Variants in EAF2 observed in about 807,000 individuals in gnomAD.
The protein encoded by EAF2 is ELL associated factor 2, also known as ELL-associated factor 2.
EAF2 carries 29 observed loss-of-function variants against 29.4 expected under a neutral mutation model. That is an observed-to-expected ratio of 0.99 (90% confidence interval 0.73 to 1.35). EAF2 has a LOEUF of 1.35. Ranked by LOEUF, EAF2 falls within the 40% of genes most tolerant of loss-of-function variation. EAF2 has a pLI of 0.00. For missense variants in EAF2, 292 were observed against 312.0 expected, an observed-to-expected ratio of 0.94 and a Z score of 0.48; for synonymous variants, 103 against 102.5, an observed-to-expected ratio of 1.00 and a Z score of -0.03.
chr3:121,854,398 C>T (rs1021681108), intron 2 of EAF2, among the ~76,000 whole-genome samples: 5 of 150,880 alleles, frequency 3.3e-5, no homozygotes, highest in Non-Finnish European at 4.4e-5. Context: ...TGGTTGTGTT[C>T]GAATTGAATC....
At chr3:121,882,523 T>C (rs1709205292) in intron 5 of EAF2, among the ~76,000 whole-genome samples, 1 of 152,042 alleles carries the variant, frequency 6.6e-6, no homozygotes, top group Non-Finnish European at 1.5e-5. Flanking sequence ...AGAGGACTAA[T>C]GTTATTTCTG....
intron 4 of EAF2, among the ~76,000 whole-genome samples, chr3:121,868,495 A>G (rs1309406670): frequency 3.3e-5 from 5 of 152,108 alleles, no homozygotes; most frequent in Non-Finnish European, 7.4e-5. Flanking sequence ...CCACTCAGGA[A>G]GCTGAGGCAG....
chr3:121,854,914 G>C, intron 3 of EAF2, 91 bp downstream of exon 3: 4 of 1,191,492 alleles, frequency 3.4e-6, no homozygotes. Flanking sequence ...TATAATATAG[G>C]AGTTATTTCT....
intron 4 of EAF2, among the ~76,000 whole-genome samples, chr3:121,866,965 ATAGAAG>A (rs768538019): frequency 6.6e-5 from 10 of 152,202 alleles, no homozygotes; most frequent in Non-Finnish European, 5.9e-5. Context: ...CATTAAAGAA[ATAGAAG>A]TTTTAAGTAA....
intron 2 of EAF2, among the ~76,000 whole-genome samples, chr3:121,845,417 G>A (rs534327054): frequency 5.7e-4 from 63 of 110,058 alleles, no homozygotes; most frequent in African/African-American, 2.2e-3. Flanking sequence ...CAGCCTGGGC[G>A]ATAGAGCGAG....
chr3:121,835,752 G>T lies in EAF2; in HGVS notation c.106+361G>T, dbSNP rs116349424. ...AATGGGAAGGGACTAAGGACCGAAT[G>T]CCGGGGAACTTGAATGCCTTGAGGC... On this transcript the variant is annotated intron_variant, in intron 1 of 5. Transcript: ENST00000273668. 3.0e-3 allele frequency among the ~76,000 whole-genome samples: 463 copies of T among 152,296 alleles called. 2 individuals carry two copies. Among genetic ancestry groups the T allele is most frequent in the Admixed American group, 5.7e-3 (87 of 15,302 alleles).
intron 3 of EAF2, among the ~76,000 whole-genome samples, chr3:121,856,124 T>G (rs1310607841): frequency 1.3e-5 from 2 of 152,212 alleles, no homozygotes; most frequent in East Asian, 3.8e-4. Flanking sequence ...TTAAAGATAT[T>G]GAAAGAAAAG....
At chr3:121,849,932 ATATGTATG>A in intron 2 of EAF2, among the ~76,000 whole-genome samples, 1 of 129,974 alleles carries the variant, frequency 7.7e-6, no homozygotes, top group South Asian at 2.6e-4. Flanking sequence ...ATATATATAT[ATATGTATG>A]TATATATATA....
chr3:121,864,545 G>A (rs28501582), intron 4 of EAF2, among the ~76,000 whole-genome samples: 5,327 of 152,236 alleles, frequency 0.035, 322 homozygotes, highest in African/African-American at 0.12. Context: ...GCTGGGTATG[G>A]TGGTGCACAC....
At chr3:121,849,831 T>C (rs1708594589) in intron 2 of EAF2, among the ~76,000 whole-genome samples, 2 of 151,966 alleles carry the variant, frequency 1.3e-5, no homozygotes, top group African/African-American at 2.4e-5. Context: ...GTTTTAAAGT[T>C]ATATTTTTTA....
At chr3:121,836,121 G>A (rs1708272989) in intron 1 of EAF2, 1 of 152,160 alleles carries the variant, frequency 6.6e-6, no homozygotes, top group South Asian at 2.1e-4. Context: ...ATAGATTCCA[G>A]GAAGGAAAAT....
intron 3 of EAF2, among the ~76,000 whole-genome samples, chr3:121,856,321 T>C (rs1427469615): frequency 1.4e-5 from 2 of 144,194 alleles, no homozygotes; most frequent in Non-Finnish European, 3.0e-5. Flanking sequence ...AGCAATGGCT[T>C]TTTTTTTTTT....
intron 1 of EAF2, 82 bp downstream of exon 1, chr3:121,835,473 C>T: frequency 2.4e-6 from 3 of 1,242,218 alleles, no homozygotes; most frequent in Non-Finnish European, 3.5e-6. Context: ...GGTTTTGTTC[C>T]CACAGTACCC....
rs568126785 is a variant in EAF2 at position 121,856,438 on chromosome 3, G to A, written c.339-573G>A. Among the ~76,000 whole-genome samples, 58 of 151,076 alleles carry A rather than the reference G, an allele frequency of 3.8e-4. 1 individual carries two copies. In the East Asian group the frequency reaches 9.8e-3, roughly 26 times the overall value. ...AAACCATCTTCCTTCCTCAGCCTCCGAAAGTGCTGGGATTATAGGCATGAG... is the reference window on the plus strand; with the variant it reads ...AAACCATCTTCCTTCCTCAGCCTCCAAAAGTGCTGGGATTATAGGCATGAG... On this transcript the variant is annotated intron_variant, in intron 3 of 5. Coordinates refer to ENST00000273668, the MANE Select transcript of EAF2 (RefSeq NM_018456.6).
chr3:121,885,249 T>C (rs930361022), intron 5 of EAF2, among the ~76,000 whole-genome samples: 6 of 152,158 alleles, frequency 3.9e-5, no homozygotes, highest in Non-Finnish European at 5.9e-5. Flanking sequence ...TTTTAATTAG[T>C]CCTATAAACT....
chr3:121,877,680 T>C lies in EAF2; in HGVS notation c.736+4892T>C, dbSNP rs534228972. Among the ~76,000 whole-genome samples the C allele has an allele frequency of 3.9e-5, 6 of 151,948 alleles. No individual in the cohort carries two copies. In the South Asian group the frequency reaches 1.2e-3, roughly 32 times the overall value. On this transcript the variant is annotated intron_variant, in intron 5 of 5. Coordinates refer to ENST00000273668, the MANE Select transcript of EAF2 (RefSeq NM_018456.6). ...AAAAAATTGAATACTGTTATGAAGA[T>C]AAAAAATAATAAATAATAAATAAAA...
chr3:121,867,338 A>G (rs1708943220), intron 4 of EAF2, among the ~76,000 whole-genome samples: 1 of 152,200 alleles, frequency 6.6e-6, no homozygotes, highest in African/African-American at 2.4e-5. Context: ...AATTGATGCC[A>G]AGGTACATCA....
chr3:121,871,206 G>C (rs1310916678), intron 4 of EAF2, among the ~76,000 whole-genome samples: 2 of 151,472 alleles, frequency 1.3e-5, no homozygotes, highest in Non-Finnish European at 2.9e-5. Flanking sequence ...TAGCAGTAGA[G>C]AAGAATAGGC....
intron 1 of EAF2, among the ~76,000 whole-genome samples, chr3:121,841,504 C>CAAAAACAAAAAAAA (rs1708425714): frequency 3.8e-5 from 1 of 26,014 alleles, no homozygotes; most frequent in African/African-American, 1.7e-4. Flanking sequence ...GACCCTGTCT[C>CAAAAACAAAAAAAA]AAAAAAAAAA....
Sources: allele counts gnomAD v4.1 joint callset (sites outside exome capture counted in the v4.1 genomes callset), GRCh38; gene constraint gnomAD v4.1.1; transcripts MANE v1.5; gene names NCBI Gene and HGNC (gene_info 2026-07-23, HGNC 2026-07-21).